The following MAGI2 variants were observed in gnomAD, a reference collection of about 807,000 sequenced individuals.
MAGI2 encodes membrane associated guanylate kinase, WW and PDZ domain containing 2.
A neutral mutation model predicts 133.3 loss-of-function variants in MAGI2; 35 were observed. The ratio of observed to expected loss-of-function variants is 0.26; its 90% CI spans 0.20 to 0.35. MAGI2 has a LOEUF of 0.35. MAGI2 is among the 10% of genes least tolerant of loss of function. The pLI, the probability that MAGI2 is intolerant of heterozygous loss-of-function variation, is 1.00. For synonymous variants in MAGI2, 729 were observed against 710.6 expected (o/e 1.03, Z -0.41); for missense variants, 1,636 against 1,863.4 (o/e 0.88, Z 2.25).
chr7:79,235,890 T>G (rs1831881888), intron 1 of MAGI2, among the ~76,000 whole-genome samples: 1 of 152,210 alleles, frequency 6.6e-6, no homozygotes, highest in Non-Finnish European at 1.5e-5. Context: ...TATTTTCGGG[T>G]TCTTGGCAGT....
At chr7:78,107,859 A>G (rs1281252708) in intron 20 of MAGI2, among the ~76,000 whole-genome samples, 2 of 104,290 alleles carry the variant, frequency 1.9e-5, no homozygotes, top group Non-Finnish European at 4.5e-5. Context: ...TTCATCTCTG[A>G]TTTTATTTAT....
chr7:79,376,294 C>A (rs534564179), intron 1 of MAGI2, among the ~76,000 whole-genome samples: 2 of 151,892 alleles, frequency 1.3e-5, no homozygotes, highest in South Asian at 4.2e-4. Flanking sequence ...TAAGATAGAA[C>A]AATTATAACA....
chr7:78,985,742 C>T (rs1452553259), intron 2 of MAGI2, among the ~76,000 whole-genome samples: 2 of 152,014 alleles, frequency 1.3e-5, no homozygotes, highest in African/African-American at 4.8e-5. Flanking sequence ...TTAGAGGAGA[C>T]CTTCTATAAT....
chr7:78,195,900 A>G (rs1334612836), intron 11 of MAGI2, among the ~76,000 whole-genome samples: 1 of 152,006 alleles, frequency 6.6e-6, no homozygotes. Flanking sequence ...TTCAAACTCA[A>G]TTTTTCCTTC....
intron 1 of MAGI2, among the ~76,000 whole-genome samples, chr7:79,180,972 G>A (rs184529702): frequency 6.6e-6 from 1 of 152,074 alleles, no homozygotes; most frequent in African/African-American, 2.4e-5. Flanking sequence ...TCACATCCAG[G>A]TCATGCTGAT....
At chr7:78,562,978 TGTGA>T (rs1316999602) in intron 3 of MAGI2, among the ~76,000 whole-genome samples, 8 of 150,478 alleles carry the variant, frequency 5.3e-5, no homozygotes, top group African/African-American at 1.9e-4. Flanking sequence ...TTTGTCTCTT[TGTGA>T]GTTTCTTTTT....
At chr7:78,287,690 G>A (rs1265872345) in intron 9 of MAGI2, among the ~76,000 whole-genome samples, 2 of 152,184 alleles carry the variant, frequency 1.3e-5, no homozygotes, top group Non-Finnish European at 2.9e-5. Flanking sequence ...GAAGATGAAT[G>A]TAAACTACAG....
chr7:78,636,083 A>G (rs1031107414), intron 2 of MAGI2, among the ~76,000 whole-genome samples: 1 of 152,206 alleles, frequency 6.6e-6, no homozygotes, highest in Non-Finnish European at 1.5e-5. Flanking sequence ...ATTAAAACCT[A>G]CAATTCAATG....
At chr7:79,213,307 TACACACACGTAC>T (rs1365456662) in intron 1 of MAGI2, among the ~76,000 whole-genome samples, 1 of 148,962 alleles carries the variant, frequency 6.7e-6, no homozygotes, top group Non-Finnish European at 1.5e-5. Flanking sequence ...TGTGTGTATT[TACACACACGTAC>T]ACACGTACAC....
In MAGI2 at chr7:78,256,318, C is replaced by T. The variant is rs1792971922; in HGVS notation, c.1672G>A (p.Val558Ile). 3.7e-6 allele frequency: 6 copies of T among 1,613,990 alleles called. No individual in the cohort carries two copies. The highest frequency in any genetic ancestry group is 2.2e-5 in the South Asian group (2 of 91,092). The change falls in exon 10 of 22, where the codon GTT becomes ATT. Residue 558 changes from valine to isoleucine, a missense_variant. Val to Ile is a conservative substitution (Grantham distance 29). Transcript: ENST00000354212. Reference protein sequence around the residue: ...LEYISRTSQSVPDITDRPPHS... With the variant: ...LEYISRTSQSIPDITDRPPHS... ...GGCGGCCGATCTGTTATATCTGGAA[C>T]TGACTGTGAGGTCCGAGAAATGTAC...
At chr7:78,629,713 G>A (rs1808758453) in intron 2 of MAGI2, among the ~76,000 whole-genome samples, 1 of 91,186 alleles carries the variant, frequency 1.1e-5, no homozygotes, top group African/African-American at 3.9e-5. Flanking sequence ...TCTTTTATGT[G>A]TGTCTTCTTG....
intron 19 of MAGI2, among the ~76,000 whole-genome samples, 170 bp downstream of exon 19, chr7:78,127,027 C>A (rs1316140762): frequency 1.3e-5 from 2 of 152,154 alleles, no homozygotes; most frequent in Admixed American, 1.3e-4. Flanking sequence ...ATTTATTTAT[C>A]CAGCATGTTT....
chr7:79,406,875 A>G (rs2129168041), intron 1 of MAGI2, among the ~76,000 whole-genome samples: 1 of 152,268 alleles, frequency 6.6e-6, no homozygotes, highest in East Asian at 1.9e-4. Flanking sequence ...AATTTTCCAG[A>G]AGTGTCTATT....
At chr7:79,177,256 A>G (rs1279985212) in intron 1 of MAGI2, 2 of 151,824 alleles carry the variant, frequency 1.3e-5, no homozygotes, top group African/African-American at 4.9e-5. Context: ...GCCTTTAAAA[A>G]AATCACTATT....
chr7:79,364,692 G>A (rs1190812344), intron 1 of MAGI2, among the ~76,000 whole-genome samples: 1 of 151,950 alleles, frequency 6.6e-6, no homozygotes, highest in African/African-American at 2.4e-5. Flanking sequence ...TTCAGTGGAG[G>A]AAGAATAACC....
At chr7:79,439,843 C>A (rs978169782) in intron 1 of MAGI2, among the ~76,000 whole-genome samples, 2 of 152,060 alleles carry the variant, frequency 1.3e-5, no homozygotes, top group African/African-American at 4.8e-5. Context: ...TTTCTTCTTA[C>A]AGAACAATTA....
chr7:78,107,985 G>A (rs1162384574), intron 20 of MAGI2, among the ~76,000 whole-genome samples: 1 of 151,362 alleles, frequency 6.6e-6, no homozygotes, highest in East Asian at 1.9e-4. Flanking sequence ...TTTCTGCTCT[G>A]ATCTTTATTA....
intron 1 of MAGI2, among the ~76,000 whole-genome samples, chr7:79,339,667 C>T (rs1309744591): frequency 6.6e-6 from 1 of 152,102 alleles, no homozygotes; most frequent in African/African-American, 2.4e-5. Flanking sequence ...CCCTGTCATC[C>T]TTGATTGGCT....
At chr7:78,279,843 T>C (rs1048381685) in intron 9 of MAGI2, among the ~76,000 whole-genome samples, 1 of 152,154 alleles carries the variant, frequency 6.6e-6, no homozygotes, top group Non-Finnish European at 1.5e-5. Context: ...GGATCTGTCA[T>C]TAACTAAAGC....
Sources: allele counts gnomAD v4.1 joint callset (sites outside exome capture counted in the v4.1 genomes callset), GRCh38; gene constraint gnomAD v4.1.1; transcripts MANE v1.5; gene names NCBI Gene and HGNC (gene_info 2026-07-23, HGNC 2026-07-21).